Variants in ST6GALNAC3 observed in about 807,000 individuals in gnomAD.
ST6GALNAC3 encodes the protein alpha-N-acetylgalactosaminide alpha-2,6-sialyltransferase 3.
A neutral mutation model predicts 32.7 loss-of-function variants in ST6GALNAC3; 25 were observed. The observed-to-expected ratio is 0.76, with a 90% confidence interval of 0.56 to 1.07. The LOEUF is 1.07. Among genes scored for constraint, ST6GALNAC3 ranks in the 50% least tolerant of loss-of-function variants. ST6GALNAC3 has a pLI of 0.00. For synonymous variants in ST6GALNAC3, 129 were observed against 133.1 expected, an observed-to-expected ratio of 0.97 and a Z score of 0.21; for missense variants, 355 against 382.4, an observed-to-expected ratio of 0.93 and a Z score of 0.60.
intron 2 of ST6GALNAC3, among the ~76,000 whole-genome samples, chr1:76,386,649 G>T (rs1009958824): frequency 2.6e-5 from 4 of 152,128 alleles, no homozygotes; most frequent in Non-Finnish European, 5.9e-5. Flanking sequence ...TTTGCCTAAT[G>T]ATCTCATAAC....
At chr1:76,536,734 A>T (rs1003424793) in intron 3 of ST6GALNAC3, among the ~76,000 whole-genome samples, 1 of 128,166 alleles carries the variant, frequency 7.8e-6, no homozygotes, top group Non-Finnish European at 1.7e-5. Context: ...AAAGATCAAA[A>T]AAGACAAAGA....
chr1:76,553,496 G>A (rs1664751399), intron 3 of ST6GALNAC3, among the ~76,000 whole-genome samples: 1 of 152,080 alleles, frequency 6.6e-6, no homozygotes, highest in South Asian at 2.1e-4. Flanking sequence ...TAAAGACCTG[G>A]TGACACCTAT....
chr1:76,425,760 G>A (rs943689167), intron 3 of ST6GALNAC3, among the ~76,000 whole-genome samples: 1 of 151,930 alleles, frequency 6.6e-6, no homozygotes, highest in Non-Finnish European at 1.5e-5. Flanking sequence ...TTGACCACAA[G>A]GATAGAAAGT....
chr1:76,510,405 A>T (rs556844040), intron 3 of ST6GALNAC3, among the ~76,000 whole-genome samples: 39 of 152,274 alleles, frequency 2.6e-4, no homozygotes, highest in African/African-American at 8.2e-4. Context: ...CAGCCTTTGC[A>T]GTCTAGAAGC....
intron 2 of ST6GALNAC3, among the ~76,000 whole-genome samples, chr1:76,336,896 G>C (rs1037288095): frequency 2.0e-5 from 3 of 152,190 alleles, no homozygotes; most frequent in African/African-American, 7.2e-5. Flanking sequence ...TTTCTTAGTT[G>C]CTCCCCCTCC....
At chr1:76,208,351 T>G (rs965977654) in intron 1 of ST6GALNAC3, among the ~76,000 whole-genome samples, 6 of 152,276 alleles carry the variant, frequency 3.9e-5, no homozygotes, top group African/African-American at 1.4e-4. Flanking sequence ...AGCCACTGTT[T>G]GGTCATTTTC....
chr1:76,227,923 T>C (rs2100627333), intron 1 of ST6GALNAC3, among the ~76,000 whole-genome samples: 1 of 152,308 alleles, frequency 6.6e-6, no homozygotes, highest in South Asian at 2.1e-4. Context: ...GTAAGGGATG[T>C]GGTTTCTAGA....
rs1325851657 is a variant in ST6GALNAC3, at chr1:76,294,456, A to G, written c.19-19349A>G. 2.6e-5 allele frequency among the ~76,000 whole-genome samples: 4 copies of G among 152,116 alleles called. No individual in the cohort carries two copies. In the East Asian group the frequency reaches 5.8e-4, roughly 22 times the overall value. On this transcript the variant is annotated intron_variant, in intron 1 of 4. Coordinates refer to ENST00000328299, the MANE Select transcript of ST6GALNAC3 (RefSeq NM_152996.4). ...GTTTAACTGCAGTCCAAAGAGGACT[A>G]TCATATTGCACTTCTAATCAAAAAA...
intron 4 of ST6GALNAC3, among the ~76,000 whole-genome samples, chr1:76,628,268 G>A (rs1570486552): frequency 1.3e-5 from 2 of 152,044 alleles, no homozygotes; most frequent in Middle Eastern, 3.4e-3. Context: ...GCATAATGGA[G>A]CTCAGATGAG....
intron 2 of ST6GALNAC3, among the ~76,000 whole-genome samples, chr1:76,379,243 T>C (rs1651512692): frequency 6.6e-6 from 1 of 152,152 alleles, no homozygotes; most frequent in South Asian, 2.1e-4. Context: ...TGGGTCCTAA[T>C]CTTTTGTTTA....
intron 1 of ST6GALNAC3, among the ~76,000 whole-genome samples, chr1:76,134,440 C>A (rs766501601): frequency 7.2e-5 from 11 of 152,162 alleles, no homozygotes; most frequent in African/African-American, 2.7e-4. Context: ...CAGATGACAC[C>A]GGAGTTATCC....
intron 1 of ST6GALNAC3, among the ~76,000 whole-genome samples, chr1:76,081,214 T>C (rs979111052): frequency 1.3e-5 from 2 of 150,672 alleles, no homozygotes; most frequent in Admixed American, 1.3e-4. Flanking sequence ...TTGGCTTCCT[T>C]GGGCCACATT....
At chr1:76,492,481 T>A (rs1299389440) in intron 3 of ST6GALNAC3, among the ~76,000 whole-genome samples, 1 of 152,166 alleles carries the variant, frequency 6.6e-6, no homozygotes. Flanking sequence ...TAATAAAAGC[T>A]TAACGTAGTT....
rs1570495752 is a variant in ST6GALNAC3, at chr1:76,631,335, G to C, written c.*2529G>C. 4.1e-5 allele frequency: 6 copies of C among 146,316 alleles called. No homozygotes were observed. Among genetic ancestry groups the C allele is most frequent in the Admixed American group, 4.1e-4 (6 of 14,728 alleles). The allele number at this position is 146,316 out of a possible 1,614,324, so 9.1% of individuals were successfully genotyped here. ...AAAAAAAACAAGTTTTTCTCAATTT[G>C]GAGACTCAATTGAATAATTTCCAGT... On this transcript the variant is annotated 3_prime_UTR_variant, in exon 5 of 5. Transcript: ENST00000328299.
chr1:76,352,338 C>T (rs1484812860), intron 2 of ST6GALNAC3, among the ~76,000 whole-genome samples: 2 of 150,148 alleles, frequency 1.3e-5, no homozygotes, highest in Non-Finnish European at 1.5e-5. Flanking sequence ...TTTTCAATAC[C>T]GTCTGTCCAA....
chr1:76,280,104 G>A (rs912822978), intron 1 of ST6GALNAC3, among the ~76,000 whole-genome samples: 2 of 151,140 alleles, frequency 1.3e-5, no homozygotes, highest in Non-Finnish European at 2.9e-5. Flanking sequence ...TTTCTCTCTT[G>A]CTTCTTTCTC....
At chr1:76,304,980 A>C (rs1467057487) in intron 1 of ST6GALNAC3, among the ~76,000 whole-genome samples, 1 of 152,050 alleles carries the variant, frequency 6.6e-6, no homozygotes, top group African/African-American at 2.4e-5. Context: ...GCTGAGAATT[A>C]AACAAAAGCA....
chr1:76,353,160 T>A (rs1557814674), intron 2 of ST6GALNAC3, among the ~76,000 whole-genome samples: 1 of 152,198 alleles, frequency 6.6e-6, no homozygotes. Flanking sequence ...TCATGGCCAA[T>A]AAAGAACCAT....
chr1:76,563,175 G>A (rs1665345638), intron 3 of ST6GALNAC3, among the ~76,000 whole-genome samples: 1 of 152,210 alleles, frequency 6.6e-6, no homozygotes, highest in Non-Finnish European at 1.5e-5. Flanking sequence ...AGCTGTATCA[G>A]AATGGGAAAT....
Sources: allele counts gnomAD v4.1 joint callset (sites outside exome capture counted in the v4.1 genomes callset), GRCh38; gene constraint gnomAD v4.1.1; transcripts MANE v1.5; gene names NCBI Gene and HGNC (gene_info 2026-07-23, HGNC 2026-07-21).